Variants in EPHB1 observed in about 807,000 individuals in gnomAD.
EPHB1 encodes ephrin type-B receptor 1.
In EPHB1, 30 loss-of-function variants were observed where a neutral mutation model predicts 94.4. That is an observed-to-expected ratio of 0.32 (90% CI 0.24 to 0.43). The LOEUF (loss-of-function observed/expected upper bound fraction) is 0.43, where lower values mean the gene tolerates loss of function less well. Among genes scored for constraint, EPHB1 ranks in the 20% least tolerant of loss-of-function variants. The pLI, the probability that EPHB1 is intolerant of heterozygous loss-of-function variation, is 1.00. For synonymous variants in EPHB1, 522 were observed against 489.1 expected (o/e 1.07, Z -0.89); for missense variants, 1,055 against 1,308.3 (o/e 0.81, Z 2.99).
At chr3:134,916,637 C>T (rs1052109076) in intron 1 of EPHB1, among the ~76,000 whole-genome samples, 1 of 152,222 alleles carries the variant, frequency 6.6e-6, no homozygotes, top group Admixed American at 6.5e-5. Context: ...GCTGGCGCGG[C>T]CAGCCGGCAG....
chr3:134,826,648 A>G (rs1295821488), intron 1 of EPHB1, among the ~76,000 whole-genome samples: 1 of 152,196 alleles, frequency 6.6e-6, no homozygotes, highest in Non-Finnish European at 1.5e-5. Flanking sequence ...CATTTTGGCA[A>G]ATGATACTGA....
chr3:134,937,447 AC>A (rs1022299989), intron 2 of EPHB1, among the ~76,000 whole-genome samples: 12 of 152,118 alleles, frequency 7.9e-5, no homozygotes, highest in Non-Finnish European at 1.6e-4. Flanking sequence ...CAGAGGCCCC[AC>A]CCCTTCCTTC....
chr3:135,041,598 C>A (rs144243521), intron 3 of EPHB1, among the ~76,000 whole-genome samples: 218 of 152,228 alleles, frequency 1.4e-3, no homozygotes, highest in East Asian at 9.5e-3. Flanking sequence ...TTTGAGACCC[C>A]AAATAGGATA....
intron 3 of EPHB1, among the ~76,000 whole-genome samples, chr3:135,007,313 A>G (rs1032255908): frequency 2.0e-5 from 3 of 152,154 alleles, no homozygotes; most frequent in Non-Finnish European, 4.4e-5. Flanking sequence ...TGTTGGAAAG[A>G]TTGTTTCATC....
At chr3:135,040,290 G>A (rs999860318) in intron 3 of EPHB1, among the ~76,000 whole-genome samples, 4 of 152,240 alleles carry the variant, frequency 2.6e-5, no homozygotes, top group Non-Finnish European at 4.4e-5. Context: ...TAAAGGGCCT[G>A]GCATGTAGTA....
chr3:135,019,265 C>T (rs574328864), intron 3 of EPHB1, among the ~76,000 whole-genome samples: 1 of 152,186 alleles, frequency 6.6e-6, no homozygotes, highest in African/African-American at 2.4e-5. Context: ...TCTTATCCCC[C>T]AGGGATAAGA....
chr3:135,126,652 A>C, intron 4 of EPHB1, among the ~76,000 whole-genome samples: 1 of 152,230 alleles, frequency 6.6e-6, no homozygotes, highest in East Asian at 1.9e-4. Context: ...TGGGGCAGGC[A>C]GACTCCAAGG....
intron 3 of EPHB1, among the ~76,000 whole-genome samples, chr3:135,032,698 T>C (rs533954162): frequency 1.1e-4 from 16 of 152,336 alleles, no homozygotes; most frequent in Non-Finnish European, 2.1e-4. Context: ...GAAGTTAGTA[T>C]CCAGATATCT....
intron 3 of EPHB1, among the ~76,000 whole-genome samples, chr3:135,008,959 G>A (rs188062325): frequency 6.6e-6 from 1 of 152,326 alleles, no homozygotes; most frequent in East Asian, 1.9e-4. Flanking sequence ...GTGCGGCCAG[G>A]CCCTTCACTG....
chr3:135,122,739 A>C (rs1440741479), intron 4 of EPHB1, among the ~76,000 whole-genome samples: 1 of 152,148 alleles, frequency 6.6e-6, no homozygotes, highest in African/African-American at 2.4e-5. Context: ...GGCTCCATTG[A>C]AGCAGGAGAA....
chr3:135,250,233 C>T (rs1385390244), intron 15 of EPHB1, among the ~76,000 whole-genome samples: 1 of 152,144 alleles, frequency 6.6e-6, no homozygotes, highest in East Asian at 1.9e-4. Flanking sequence ...TAAAGGAACC[C>T]ATTTAAAATT....
At chr3:135,257,918 C>T (rs192516300) in intron 15 of EPHB1, among the ~76,000 whole-genome samples, 41 of 151,576 alleles carry the variant, frequency 2.7e-4, no homozygotes, top group African/African-American at 9.4e-4. Context: ...TCTCGTGGTG[C>T]GCCGTGTTTT....
At chr3:134,984,140 G>T (rs1013727190) in intron 3 of EPHB1, among the ~76,000 whole-genome samples, 4 of 152,210 alleles carry the variant, frequency 2.6e-5, no homozygotes, top group Admixed American at 2.6e-4. Flanking sequence ...GTAGGAACTA[G>T]AGTAGAACCC....
chr3:135,063,549 A>C (rs886605989), intron 3 of EPHB1, among the ~76,000 whole-genome samples: 2 of 152,172 alleles, frequency 1.3e-5, no homozygotes, highest in Non-Finnish European at 2.9e-5. Context: ...TGTATCCAGA[A>C]ACTTTGCTGA....
At chr3:135,135,427 A>G (rs1940586777) in intron 5 of EPHB1, among the ~76,000 whole-genome samples, 1 of 152,194 alleles carries the variant, frequency 6.6e-6, no homozygotes, top group Non-Finnish European at 1.5e-5. Context: ...TCAAACCTGA[A>G]CTTCTGTGAG....
At chr3:135,255,704 G>A (rs541333833) in intron 15 of EPHB1, among the ~76,000 whole-genome samples, 90 of 151,406 alleles carry the variant, frequency 5.9e-4, no homozygotes, top group Non-Finnish European at 1.1e-3. Context: ...GTTGACTTGG[G>A]GTGGAGAGTT....
intron 4 of EPHB1, 140 bp from the exon 5 acceptor site, chr3:135,132,574 A>C: frequency 1.5e-6 from 1 of 680,376 alleles, no homozygotes; most frequent in East Asian, 2.8e-5. Flanking sequence ...AATGAATTGA[A>C]GCATAGCCAT....
At chr3:134,856,836 A>T (rs76831153) in intron 1 of EPHB1, among the ~76,000 whole-genome samples, 614 of 152,370 alleles carry the variant, frequency 4.0e-3, no homozygotes, top group African/African-American at 0.014. Context: ...TGTGACTAAA[A>T]AATTTTAAAT....
intron 15 of EPHB1, among the ~76,000 whole-genome samples, chr3:135,256,822 G>T (rs545922228): frequency 1.2e-4 from 18 of 151,566 alleles, no homozygotes; most frequent in Non-Finnish European, 2.4e-4. Context: ...TTTCCAACTT[G>T]GTTCCATTCT....
Sources: allele counts gnomAD v4.1 joint callset (sites outside exome capture counted in the v4.1 genomes callset), GRCh38; gene constraint gnomAD v4.1.1; transcripts MANE v1.5; gene names NCBI Gene and HGNC (gene_info 2026-07-23, HGNC 2026-07-21).